USP1: variants seen among roughly 807,000 people sequenced by gnomAD.
USP1 encodes ubiquitin carboxyl-terminal hydrolase 1.
USP1 carries 18 observed loss-of-function variants against 72.2 expected under a neutral mutation model. The ratio of observed to expected loss-of-function variants is 0.25; its 90% CI spans 0.17 to 0.37. USP1 has a LOEUF of 0.37. Ranked by LOEUF, USP1 falls within the 10% of genes least tolerant of loss-of-function variation. USP1 has a pLI of 1.00. For synonymous variants in USP1, 354 were observed against 303.7 expected, an observed-to-expected ratio of 1.17 and a Z score of -1.72; for missense variants, 759 against 884.9, an observed-to-expected ratio of 0.86 and a Z score of 1.81.
Position 62,439,907 on chromosome 1 carries a change from A to G in USP1, c.40A>G (p.Arg14Gly). ...ACCTAGTGAAAGTAATGGACTTTCA[A>G]GAGGTAGCCCTTCAAAGAAAAACAG... ...VIPSESNGLS[R>G]GSPSKKNRLS... Residue 14 changes from arginine (R) to glycine (G), a missense_variant, in exon 2 of 9, where the codon AGA becomes GGA. Physicochemically the swap from Arg to Gly is moderately radical, Grantham distance 125. This residue lies in a region of USP1 where 86 missense variants were observed against 82.0 expected (regional missense o/e 1.05). Transcript: ENST00000339950. The G allele has an allele frequency of 6.5e-7, 1 of 1,547,074 alleles. No homozygotes were observed. The highest frequency in any genetic ancestry group is 8.7e-7 in the Non-Finnish European group (1 of 1,153,048).
intron 5 of USP1, among the ~76,000 whole-genome samples, chr1:62,444,260 C>CAAAAAAAAAAAAA (rs34522182): frequency 2.8e-5 from 2 of 72,414 alleles, no homozygotes; most frequent in African/African-American, 1.2e-4. Flanking sequence ...CCCTTGTCTC[C>CAAAAAAAAAAAAA]AAAAAAAAAA....
At chr1:62,439,458 C>G (rs1299438204) in intron 1 of USP1, among the ~76,000 whole-genome samples, 1 of 152,242 alleles carries the variant, frequency 6.6e-6, no homozygotes. Context: ...GCTGGGATTA[C>G]AGGCGTGAGC....
At chr1:62,441,956 G>A (rs1034171621) in intron 3 of USP1, among the ~76,000 whole-genome samples, 27 of 152,180 alleles carry the variant, frequency 1.8e-4, no homozygotes, top group Admixed American at 5.9e-4. Context: ...GCTGTGTTGT[G>A]TGTCCTTGTA....
In USP1 at chr1:62,439,055, G is replaced by A. The variant is rs368066088; in HGVS notation, c.-69-744G>A. ...ATATCCATGTTAATAACTAGAAAAG[G>A]CATTGGAAGAGAGGACTCATCGTCC... On this transcript the variant is annotated intron_variant, in intron 1 of 8. Transcript: ENST00000339950. Among the ~76,000 whole-genome samples, 8 of 152,234 alleles carry A rather than the reference G, an allele frequency of 5.3e-5. No homozygotes were observed. The East Asian group carries it at 1.3e-3, about 26-fold the overall frequency.
Position 62,445,356 on chromosome 1 carries a change from TG to T in USP1, c.1178del (p.Gly393ValfsTer14). The T allele has an allele frequency of 1.2e-6, 2 of 1,609,958 alleles. No individual in the cohort carries two copies. The highest frequency in any genetic ancestry group is 1.7e-6 in the Non-Finnish European group (2 of 1,178,856). On this transcript the variant is annotated frameshift_variant, in exon 6 of 9. Coordinates refer to ENST00000339950, the MANE Select transcript of USP1 (RefSeq NM_003368.5). LOFTEE classifies it high-confidence loss of function. Reference protein sequence around the residue: ...GKCESDNTTNGCGLESPGNTV... With the variant: ...GKCESDNTTNXCGLESPGNTV... ...AGTGTGAAAGTGATAACACAACTAA[TG>T]GTTGTGGACTTGAATCTCCAGGAAA...
In USP1 at chr1:62,442,091, G is replaced by A. The variant is rs72913205; in HGVS notation, c.292-104G>A. The A allele has an allele frequency of 3.3e-4, 247 of 749,160 alleles. No homozygotes were observed. The African/African-American group carries it at 4.1e-3, about 12-fold the overall frequency. 46.4% of individuals were successfully genotyped at this position (749,160 alleles called of 1,614,324 possible). On this transcript the variant is annotated intron_variant, in intron 3 of 8. Coordinates refer to ENST00000339950, the MANE Select transcript of USP1 (RefSeq NM_003368.5). ...CAAAACTTAATCTCAGAATTTTAGG[G>A]TAATACATGTTAAAAGTGCTCTATA... is the stretch of plus-strand genomic sequence containing the variant.
At chr1:62,443,785 G>C (rs1163331715) in intron 5 of USP1, among the ~76,000 whole-genome samples, 2 of 152,172 alleles carry the variant, frequency 1.3e-5, no homozygotes, top group Non-Finnish European at 2.9e-5. Flanking sequence ...ATTTTTATAT[G>C]TGATTAGAGG....
chr1:62,439,747 G>T lies in USP1; in HGVS notation c.-69-52G>T, dbSNP rs1645119460. On this transcript the variant is annotated intron_variant, in intron 1 of 8. Transcript: ENST00000339950. ...ATTTGTTTTCAAAATTGATGATTTTGTTGCCAAAACTGATAACCAAAAACT... is the reference window on the plus strand; with the variant it reads ...ATTTGTTTTCAAAATTGATGATTTTTTTGCCAAAACTGATAACCAAAAACT... 12 of 879,136 alleles carry T rather than the reference G, an allele frequency of 1.4e-5. No individual in the cohort carries two copies. In the South Asian group the frequency reaches 5.5e-4, roughly 40 times the overall value. 54.5% of individuals were successfully genotyped at this position (879,136 alleles called of 1,614,324 possible). A position where few individuals can be genotyped will look rare whatever the true frequency, so the allele number is the denominator to read the frequency against.
At chr1:62,446,905 C>T (rs1645179142) in intron 6 of USP1, among the ~76,000 whole-genome samples, 2 of 152,082 alleles carry the variant, frequency 1.3e-5, no homozygotes, top group South Asian at 4.1e-4. Flanking sequence ...ACCTCCACCT[C>T]CCGGGTTCAA....
chr1:62,445,391 C>A lies in USP1; in HGVS notation c.1211C>A (p.Thr404Lys). 3 of 1,591,536 alleles carry A rather than the reference C, an allele frequency of 1.9e-6. No homozygotes were observed. Among genetic ancestry groups the A allele is most frequent in the South Asian group, 1.2e-5 (1 of 86,376 alleles). ...CTTGAATCTCCAGGAAATACTGTTA[C>A]ACCTGTAAATGTTAATGAAGTTAAA... The part of the protein sequence containing the change: ...CGLESPGNTV[T>K]PVNVNEVKPI... The change falls in exon 6 of 9, where the codon ACA (threonine) becomes AAA (lysine). Residue 404 changes from threonine to lysine, a missense_variant. Coordinates refer to ENST00000339950, the MANE Select transcript of USP1 (RefSeq NM_003368.5).
intron 6 of USP1, 113 bp from the exon 7 acceptor site, chr1:62,447,221 CTGATCTA>C: frequency 1.0e-6 from 1 of 976,930 alleles, no homozygotes; most frequent in East Asian, 2.7e-5. Context: ...TGCTAATAAG[CTGATCTA>C]TGAAAATGGA....
At position 62,437,412 on chromosome 1, in the gene USP1, C is replaced by T; in HGVS notation, c.-70+12C>T. 5.3e-6 allele frequency: 2 copies of T among 375,262 alleles called. No individual in the cohort carries two copies. Among genetic ancestry groups the T allele is most frequent in the Non-Finnish European group, 9.5e-6 (2 of 211,600 alleles). The allele number at this position is 375,262 out of a possible 1,614,324, so 23.2% of individuals were successfully genotyped here. A position where few individuals can be genotyped will look rare whatever the true frequency, so the allele number is the denominator to read the frequency against. ...TGGGCCATGACCAGGTAAGGAGGGC[C>T]TGGGAGGAGGGGCCGGCTCCCGGGC... On this transcript the variant is annotated intron_variant, in intron 1 of 8. Coordinates refer to ENST00000339950, the MANE Select transcript of USP1 (RefSeq NM_003368.5).
At chr1:62,442,524 TG>T (rs1645140972) in intron 4 of USP1, among the ~76,000 whole-genome samples, 2 of 152,232 alleles carry the variant, frequency 1.3e-5, no homozygotes, top group African/African-American at 4.8e-5. Context: ...TTTTGTTACT[TG>T]TATACTATAT....
In USP1 at chr1:62,450,615, A is replaced by T; in HGVS notation, c.1992A>T (p.Glu664Asp). The change falls in exon 9 of 9, where the codon GAA (glutamate) becomes GAT (aspartate). Residue 664 changes from glutamate to aspartate, a missense_variant. Glu to Asp is a conservative substitution (Grantham distance 45). Transcript: ENST00000339950. ...PSKVLNKKNVEAIGLLGGQKS... is the reference protein window; with the variant it reads ...PSKVLNKKNVDAIGLLGGQKS... ...AAGTTTTGAACAAAAAAAATGTAGAAGCTATTGGACTTCTTGGAGGACAAA... is the reference window on the plus strand; with the variant it reads ...AAGTTTTGAACAAAAAAAATGTAGATGCTATTGGACTTCTTGGAGGACAAA... 1 of 1,614,122 alleles carries T rather than the reference A, an allele frequency of 6.2e-7. No homozygotes were observed. The highest frequency in any genetic ancestry group is 8.5e-7 in the Non-Finnish European group (1 of 1,180,000).
intron 4 of USP1, 44 bp downstream of exon 4, chr1:62,442,343 A>G: frequency 7.3e-7 from 1 of 1,368,218 alleles, no homozygotes; most frequent in Non-Finnish European, 1.0e-6. Flanking sequence ...AAGCAAAAGT[A>G]AATTAATGGA....
chr1:62,450,472 CAAATGTGTGA>C lies in USP1; in HGVS notation c.1852_1861del (p.Met618Ter). On this transcript the variant is annotated frameshift_variant, in exon 9 of 9. Transcript: ENST00000339950. LOFTEE classifies it high-confidence loss of function. The stretch of plus-strand genomic sequence containing the variant: ...AGATAAAGGAAATTTTGTGGTTGAC[CAAATGTGTGA>C]AATAGGTAAGCCAGAACCATTGAAT... 6.2e-7 allele frequency: 1 copy of C among 1,613,870 alleles called. No individual in the cohort carries two copies. Among genetic ancestry groups the C allele is most frequent in the Non-Finnish European group, 8.5e-7 (1 of 1,179,974 alleles).
At chr1:62,440,092 C>T in intron 2 of USP1, 55 bp downstream of exon 2, 1 of 1,359,488 alleles carries the variant, frequency 7.4e-7, no homozygotes, top group Non-Finnish European at 9.6e-7. Flanking sequence ...CAGCAGTGAA[C>T]TTGGTTGACA....
intron 1 of USP1, 50 bp downstream of exon 1, chr1:62,437,450 T>G (rs1645098100): frequency 3.0e-6 from 1 of 330,634 alleles, no homozygotes; most frequent in Non-Finnish European, 5.5e-6. Context: ...GGGGGCAAGT[T>G]CGGCCGGCGC....
In USP1 at chr1:62,442,210, C is replaced by T; in HGVS notation, c.307C>T (p.Pro103Ser). ...CTTTTTATAGGTATTATATTTTTGT[C>T]CCGGTTTTAAATCTGGAGTAAAGCA... The part of the protein sequence containing the change: ...NSILQVLYFC[P>S]GFKSGVKHLF... The change falls in exon 4 of 9, where the codon CCC (proline) becomes TCC (serine). Residue 103 changes from proline to serine, a missense_variant. Physicochemically the swap from Pro to Ser is moderately conservative, Grantham distance 74 (BLOSUM62 -1). This residue lies in a region of USP1 where 13 missense variants were observed against 35.5 expected (regional missense o/e 0.37). Transcript: ENST00000339950. 6.3e-7 allele frequency: 1 copy of T among 1,592,914 alleles called. No homozygotes were observed. Among genetic ancestry groups the T allele is most frequent in the Non-Finnish European group, 8.6e-7 (1 of 1,164,636 alleles).
Sources: allele counts gnomAD v4.1 joint callset (sites outside exome capture counted in the v4.1 genomes callset), GRCh38; gene constraint gnomAD v4.1.1; regional missense constraint gnomAD v4.1.1; transcripts MANE v1.5; gene names NCBI Gene and HGNC (gene_info 2026-07-23, HGNC 2026-07-21).